OR2L13: variants seen among roughly 807,000 people sequenced by gnomAD.
OR2L13 encodes olfactory receptor family 2 subfamily L member 13, also known as olfactory receptor 2L13.
OR2L13 carries 14 observed loss-of-function variants against 15.3 expected under a neutral mutation model. That is an observed-to-expected ratio of 0.91 (90% CI 0.60 to 1.43). The LOEUF (loss-of-function observed/expected upper bound fraction) is 1.43, where lower values mean the gene tolerates loss of function less well. Ranked by LOEUF, OR2L13 falls within the 40% of genes most tolerant of loss-of-function variation. OR2L13 has a pLI of 0.00. For synonymous variants in OR2L13, 152 were observed against 142.9 expected (o/e 1.06, Z -0.45); for missense variants, 367 against 387.9 (o/e 0.95, Z 0.45).
the OR2L13 span, among the ~76,000 whole-genome samples, chr1:248,014,826 C>T: frequency 3.8e-4 from 58 of 152,244 alleles, no homozygotes; most frequent in Non-Finnish European, 6.3e-4. Flanking sequence ...GTCAGACATT[C>T]AGCAACAAAA....
chr1:247,956,903 G>A, the OR2L13 span, among the ~76,000 whole-genome samples: 1 of 152,118 alleles, frequency 6.6e-6, no homozygotes, highest in Admixed American at 6.5e-5. Context: ...GGGACAATTT[G>A]ACTTCCTCTT....
the OR2L13 span, among the ~76,000 whole-genome samples, chr1:247,984,883 T>C: frequency 2.0e-5 from 3 of 152,140 alleles, no homozygotes; most frequent in African/African-American, 4.8e-5. Context: ...ACAATTATTC[T>C]CCCTGTCTCC....
the OR2L13 span, among the ~76,000 whole-genome samples, chr1:248,069,111 G>A: frequency 6.6e-6 from 1 of 152,118 alleles, no homozygotes; most frequent in Non-Finnish European, 1.5e-5. Flanking sequence ...TCAGATTCAG[G>A]AAATACAGAG....
At chr1:247,940,607 A>G in the OR2L13 span, among the ~76,000 whole-genome samples, 1 of 151,988 alleles carries the variant, frequency 6.6e-6, no homozygotes, top group Non-Finnish European at 1.5e-5. Flanking sequence ...TCCTTATCCA[A>G]CTCACTGTTG....
At chr1:247,982,061 C>A in the OR2L13 span, among the ~76,000 whole-genome samples, 2 of 152,266 alleles carry the variant, frequency 1.3e-5, no homozygotes, top group Admixed American at 6.5e-5. Flanking sequence ...GTGATCCATC[C>A]GCCTCGGCCT....
chr1:248,081,022 G>A, the OR2L13 span, among the ~76,000 whole-genome samples: 1 of 152,122 alleles, frequency 6.6e-6, no homozygotes, highest in Non-Finnish European at 1.5e-5. Context: ...AGAGATTCAT[G>A]AGAACCATAT....
At chr1:248,022,496 G>T in the OR2L13 span, 1 of 1,614,150 alleles carries the variant, frequency 6.2e-7, no homozygotes, top group Non-Finnish European at 8.5e-7. Flanking sequence ...TTCCAGCTAT[G>T]TTGACATTAG....
chr1:248,081,598 A>G, the OR2L13 span, among the ~76,000 whole-genome samples: 5 of 152,178 alleles, frequency 3.3e-5, no homozygotes, highest in African/African-American at 1.2e-4. Context: ...CATTCATTCT[A>G]AGAGAAGATT....
chr1:247,987,196 G>A, the OR2L13 span, among the ~76,000 whole-genome samples: 1 of 152,132 alleles, frequency 6.6e-6, no homozygotes, highest in East Asian at 1.9e-4. Context: ...GTATATAGAA[G>A]TCAATAGCTT....
the OR2L13 span, among the ~76,000 whole-genome samples, chr1:247,993,338 C>T: frequency 7.7e-6 from 1 of 130,098 alleles, no homozygotes; most frequent in African/African-American, 3.8e-5. Flanking sequence ...GCTGTTTCCT[C>T]GTTGTTTTTT....
At chr1:248,072,773 T>C in the OR2L13 span, among the ~76,000 whole-genome samples, 1 of 151,268 alleles carries the variant, frequency 6.6e-6, no homozygotes, top group Admixed American at 6.6e-5. Context: ...CTCAAACAAA[T>C]TTACAAGAAA....
chr1:248,063,603 G>A, the OR2L13 span, among the ~76,000 whole-genome samples: 417 of 152,354 alleles, frequency 2.7e-3, 2 homozygotes, highest in African/African-American at 9.7e-3. Context: ...GGGACAGAGA[G>A]AAAATAGGCC....
At chr1:247,975,789 G>T in the OR2L13 span, 1 of 378,678 alleles carries the variant, frequency 2.6e-6, no homozygotes, top group Non-Finnish European at 4.7e-6. Flanking sequence ...TTTTAAAATT[G>T]AGTCTTGACA....
the OR2L13 span, among the ~76,000 whole-genome samples, chr1:247,937,873 T>C: frequency 6.6e-6 from 1 of 152,220 alleles, no homozygotes; most frequent in Admixed American, 6.5e-5. Context: ...TATGAAGATA[T>C]ATATGAAACT....
chr1:248,029,153 T>C, the OR2L13 span: 1 of 152,236 alleles, frequency 6.6e-6, no homozygotes, highest in African/African-American at 2.4e-5. Context: ...TTACAACTAA[T>C]TGATCACAAC....
At chr1:248,091,133 G>T (rs555733313), upstream of OR2L13, among the ~76,000 whole-genome samples, 5 of 152,100 alleles carry the variant, frequency 3.3e-5, no homozygotes, top group South Asian at 1.0e-3. Context: ...TAATGGAGCT[G>T]TTTGTTTTCT....
At chr1:247,981,106 A>G in the OR2L13 span, among the ~76,000 whole-genome samples, 1 of 152,212 alleles carries the variant, frequency 6.6e-6, no homozygotes, top group African/African-American at 2.4e-5. Flanking sequence ...AATGCAGACA[A>G]CCAACAGTGG....
the OR2L13 span, chr1:248,022,610 C>T: frequency 2.5e-6 from 4 of 1,614,130 alleles, no homozygotes; most frequent in Non-Finnish European, 3.4e-6. Context: ...GCTGGGTTCT[C>T]CTTGCTGTCT....
the OR2L13 span, among the ~76,000 whole-genome samples, chr1:247,959,440 G>A: frequency 6.6e-6 from 1 of 152,142 alleles, no homozygotes; most frequent in Non-Finnish European, 1.5e-5. Flanking sequence ...CTCTTCTCAA[G>A]AAGTATCTTT....
Sources: allele counts gnomAD v4.1 joint callset (sites outside exome capture counted in the v4.1 genomes callset), GRCh38; gene constraint gnomAD v4.1.1; transcripts MANE v1.5; gene names NCBI Gene and HGNC (gene_info 2026-07-23, HGNC 2026-07-21).